MALRD1: variants seen among roughly 807,000 people sequenced by gnomAD.
The protein encoded by MALRD1 is MAM and LDL receptor class A domain containing 1.
In MALRD1, 247 loss-of-function variants were observed where a neutral mutation model predicts 242.1. The ratio of observed to expected loss-of-function variants is 1.02; its 90% CI spans 0.92 to 1.13. MALRD1 has a LOEUF of 1.13. Among genes scored for constraint, MALRD1 ranks in the 50% most tolerant of loss-of-function variants. MALRD1 has a pLI of 0.00. For missense variants in MALRD1, 2,989 were observed against 2,533.1 expected, an observed-to-expected ratio of 1.18 and a Z score of -3.86; for synonymous variants, 995 against 866.6, an observed-to-expected ratio of 1.15 and a Z score of -2.60.
chr10:19,096,268 G>T (rs184223863), intron 4 of MALRD1, among the ~76,000 whole-genome samples: 1 of 152,082 alleles, frequency 6.6e-6, no homozygotes, highest in African/African-American at 2.4e-5. Context: ...ATAAAAAAAC[G>T]TAAAACTCCA....
chr10:19,265,546 C>T (rs1002723330), intron 19 of MALRD1, among the ~76,000 whole-genome samples: 1 of 152,008 alleles, frequency 6.6e-6, no homozygotes, highest in African/African-American at 2.4e-5. Flanking sequence ...TTTCCCCTCT[C>T]AATGATTTCC....
intron 29 of MALRD1, among the ~76,000 whole-genome samples, chr10:19,471,611 G>C (rs71497277): frequency 1.5e-4 from 9 of 59,286 alleles, no homozygotes; most frequent in Non-Finnish European, 2.0e-4. Flanking sequence ...TTTTTCTCAG[G>C]ATTTTTTTTT....
intron 1 of MALRD1, among the ~76,000 whole-genome samples, chr10:19,064,989 A>G (rs1834927374): frequency 6.8e-6 from 1 of 147,058 alleles, no homozygotes. Context: ...CAGACTATTT[A>G]GAAATCCCTA....
intron 28 of MALRD1, among the ~76,000 whole-genome samples, chr10:19,416,842 C>CA (rs1833530827): frequency 6.6e-6 from 1 of 152,186 alleles, no homozygotes; most frequent in Admixed American, 6.5e-5. Context: ...GAAAACTTTT[C>CA]AAAAACTTGC....
intron 1 of MALRD1, among the ~76,000 whole-genome samples, chr10:19,058,324 T>G (rs1834726954): frequency 6.6e-6 from 1 of 152,182 alleles, no homozygotes. Context: ...TGAAATACAT[T>G]TCTTATTTGC....
chr10:19,388,216 G>A (rs1044213523), intron 27 of MALRD1, among the ~76,000 whole-genome samples: 2 of 152,058 alleles, frequency 1.3e-5, no homozygotes, highest in Non-Finnish European at 2.9e-5. Flanking sequence ...TTGGATTAGT[G>A]TCCATCCTAA....
chr10:19,352,232 T>C lies in MALRD1; in HGVS notation c.4376T>C (p.Leu1459Pro), dbSNP rs912562016. 3 of 1,550,082 alleles carry C rather than the reference T, an allele frequency of 1.9e-6. No homozygotes were observed. The highest frequency in any genetic ancestry group is 8.7e-7 in the Non-Finnish European group (1 of 1,146,872). The change falls in exon 26 of 40, where the codon CTT (leucine) becomes CCT (proline). Residue 1459 changes from leucine to proline, a missense_variant. Physicochemically the swap from Leu to Pro is moderately conservative, Grantham distance 98. Coordinates refer to ENST00000454679, the MANE Select transcript of MALRD1 (RefSeq NM_001142308.3). ...RGDIALDDIV[L>P]TENCLSLHDS... ...GACATTGCACTTGATGACATTGTGC[T>C]TACAGAAAATTGTCTATCACTCCAT...
intron 8 of MALRD1, among the ~76,000 whole-genome samples, chr10:19,131,088 A>C (rs1235994730): frequency 1.3e-5 from 2 of 152,092 alleles, no homozygotes; most frequent in Non-Finnish European, 2.9e-5. Flanking sequence ...TCCTCTATAC[A>C]TATGTTGCTC....
At chr10:19,624,300 A>G (rs1034382570) in intron 36 of MALRD1, among the ~76,000 whole-genome samples, 10 of 152,316 alleles carry the variant, frequency 6.6e-5, no homozygotes, top group Admixed American at 6.5e-5. Flanking sequence ...ATACAACCAT[A>G]CAATGGAATG....
chr10:19,197,214 TC>T (rs1836304711), intron 14 of MALRD1, among the ~76,000 whole-genome samples: 1 of 151,820 alleles, frequency 6.6e-6, no homozygotes, highest in Admixed American at 6.6e-5. Context: ...TCCAATCTTG[TC>T]CCCCCAGGTC....
intron 19 of MALRD1, 105 bp from the exon 20 acceptor site, chr10:19,279,942 T>A (rs918546085): frequency 6.5e-6 from 6 of 916,094 alleles, no homozygotes; most frequent in Non-Finnish European, 9.2e-6. Flanking sequence ...CTGTTCTCTA[T>A]GATATTGTGG....
chr10:19,411,155 T>A (rs1379425327), intron 28 of MALRD1, among the ~76,000 whole-genome samples: 1 of 152,208 alleles, frequency 6.6e-6, no homozygotes, highest in Non-Finnish European at 1.5e-5. Context: ...TTGTCCACAA[T>A]GATGTGTGAC....
chr10:19,351,309 C>G (rs534821352), intron 25 of MALRD1, among the ~76,000 whole-genome samples: 10 of 152,232 alleles, frequency 6.6e-5, no homozygotes, highest in African/African-American at 2.2e-4. Flanking sequence ...AGACTTTTTT[C>G]ACTGTGTGAC....
At position 19,365,688 on chromosome 10, in the gene MALRD1, A is replaced by AC. The variant is rs1554840451; in HGVS notation, c.4441+13392dup. 8.7e-3 allele frequency among the ~76,000 whole-genome samples: 1,243 copies of AC among 142,242 alleles called. 49 individuals are homozygous for AC. Among genetic ancestry groups the AC allele is most frequent in the African/African-American group, 0.03 (1,134 of 38,352 alleles). The allele number at this position is 142,242 out of a possible 152,430, so 93.3% of individuals were successfully genotyped here. On this transcript the variant is annotated intron_variant, in intron 26 of 39. Transcript: ENST00000454679. ...AAAAAAAAAAAAAAAAAAAAAAAAAACAAGCTACTATGTTTTTTGAATATT... is the reference window on the plus strand; with the variant it reads ...AAAAAAAAAAAAAAAAAAAAAAAAAACCAAGCTACTATGTTTTTTGAATATT...
chr10:19,531,123 T>C, intron 31 of MALRD1, 71 bp from the exon 32 acceptor site: 2 of 1,263,198 alleles, frequency 1.6e-6, no homozygotes, highest in East Asian at 2.6e-5. Flanking sequence ...TATCTGTTAA[T>C]AGTTTAAACA....
intron 29 of MALRD1, among the ~76,000 whole-genome samples, chr10:19,463,532 C>T (rs373807741): frequency 9.4e-5 from 14 of 149,500 alleles, no homozygotes; most frequent in African/African-American, 3.0e-4. Flanking sequence ...GCCACTAATT[C>T]GTTCCCTTTC....
At chr10:19,265,971 T>G (rs538790805) in intron 19 of MALRD1, among the ~76,000 whole-genome samples, 1 of 151,918 alleles carries the variant, frequency 6.6e-6, no homozygotes, top group Non-Finnish European at 1.5e-5. Context: ...TAATGACTTT[T>G]TGTCTCTTTT....
intron 25 of MALRD1, among the ~76,000 whole-genome samples, chr10:19,351,179 A>G (rs886562734): frequency 7.2e-5 from 11 of 152,044 alleles, no homozygotes; most frequent in Admixed American, 1.3e-4. Context: ...TTTTTTTCCT[A>G]TGTGCAGAAC....
intron 18 of MALRD1, among the ~76,000 whole-genome samples, chr10:19,237,677 AT>A (rs1237553821): frequency 3.0e-4 from 36 of 120,016 alleles, no homozygotes; most frequent in East Asian, 1.1e-3. Context: ...ATATAATTAT[AT>A]ATAATTTATA....
Sources: gnomAD v4.1 joint callset for allele counts (sites outside exome capture counted in the v4.1 genomes callset) on GRCh38, gnomAD v4.1.1 for gene constraint, MANE v1.5 for transcripts, NCBI Gene and HGNC (gene_info 2026-07-23, HGNC 2026-07-21) for gene names.